The following CSMD2 variants were observed in gnomAD, a reference collection of about 807,000 sequenced individuals.
CSMD2 encodes the protein CUB and Sushi multiple domains 2, also known as CUB and sushi domain-containing protein 2.
Under a neutral mutation model 398.5 loss-of-function variants are expected in CSMD2, and 130 were observed. The observed-to-expected ratio is 0.33, with a 90% CI of 0.28 to 0.38. The LOEUF is 0.38. Among genes scored for constraint, CSMD2 ranks in the 10% least tolerant of loss-of-function variants. CSMD2 has a pLI of 1.00. For missense variants in CSMD2, 3,829 were observed against 4,764.9 expected (o/e 0.80, Z 5.78); for synonymous variants, 1,828 against 1,908.5 (o/e 0.96, Z 1.10).
intron 1 of CSMD2, among the ~76,000 whole-genome samples, chr1:34,115,440 A>G (rs1360571315): frequency 2.6e-5 from 4 of 152,158 alleles, no homozygotes; most frequent in African/African-American, 9.7e-5. Flanking sequence ...AAGAGGTGAT[A>G]TATTCAAAGT....
At chr1:33,874,879 G>C (rs762496335) in intron 5 of CSMD2, among the ~76,000 whole-genome samples, 1 of 152,198 alleles carries the variant, frequency 6.6e-6, no homozygotes, top group African/African-American at 2.4e-5. Context: ...AGTGGGCATG[G>C]AAGAACTCTG....
rs1642565629 is a variant in CSMD2, at chr1:33,633,140, G to A, written c.5200+282C>T. On this transcript the variant is annotated intron_variant, in intron 32 of 70. Coordinates refer to ENST00000373381, the MANE Select transcript of CSMD2 (RefSeq NM_001281956.2). This position sits in a 1 kb window ranked among gnomAD's most constrained non-coding sequence, Gnocchi z 5.0. ...ATAATGAAAATGCAATACATTTATA[G>A]TAAGAAAAAAAGTTGCATCTGAATA... 6.6e-6 allele frequency among the ~76,000 whole-genome samples: 1 copy of A among 152,138 alleles called. No individual in the cohort carries two copies. Among genetic ancestry groups the A allele is most frequent in the Non-Finnish European group, 1.5e-5 (1 of 68,024 alleles).
chr1:33,820,428 C>T (rs1430632531), intron 8 of CSMD2, 41 bp downstream of exon 8: 2 of 1,404,390 alleles, frequency 1.4e-6, no homozygotes, highest in Non-Finnish European at 1.0e-6. Flanking sequence ...CCAGGCCACC[C>T]CACCCTTCTT....
At chr1:33,550,079 C>G (rs1235142946) in intron 56 of CSMD2, 98 bp downstream of exon 56, 16 of 1,259,456 alleles carry the variant, frequency 1.3e-5, no homozygotes, top group Non-Finnish European at 1.8e-5. Flanking sequence ...GTCTGATTCC[C>G]TCCCATCCAT....
chr1:33,636,292 C>T lies in CSMD2; in HGVS notation c.4969+68G>A. On this transcript the variant is annotated intron_variant, in intron 30 of 70. Transcript: ENST00000373381. This position sits in a 1 kb window ranked among gnomAD's most constrained non-coding sequence, Gnocchi z 4.8. ...CCTTGCCCCCCTCCCTTCCCCAGCC[C>T]ACAGCACCCTCTGCCCCTGGCATGC... is the stretch of plus-strand genomic sequence containing the variant. 1 of 1,466,772 alleles carries T rather than the reference C, an allele frequency of 6.8e-7. No individual in the cohort carries two copies. The highest frequency in any genetic ancestry group is 9.2e-7 in the Non-Finnish European group (1 of 1,086,916). 90.9% of individuals were successfully genotyped at this position (1,466,772 alleles called of 1,614,324 possible).
At chr1:34,088,642 A>G (rs1571072279) in intron 2 of CSMD2, among the ~76,000 whole-genome samples, 1 of 152,180 alleles carries the variant, frequency 6.6e-6, no homozygotes, top group South Asian at 2.1e-4. Context: ...AGCCTTCAAC[A>G]CCCATATCTG....
chr1:33,583,611 C>T, intron 47 of CSMD2, 31 bp downstream of exon 47: 1 of 1,603,186 alleles, frequency 6.2e-7, no homozygotes, highest in East Asian at 2.2e-5. Flanking sequence ...TCTTCTGCAG[C>T]AGAGAACTGT....
chr1:33,706,275 CT>C (rs1645775608), intron 22 of CSMD2, among the ~76,000 whole-genome samples: 1 of 152,108 alleles, frequency 6.6e-6, no homozygotes, highest in East Asian at 1.9e-4. Flanking sequence ...AAATAATCCT[CT>C]TTTTCATTTC....
chr1:33,973,905 G>A (rs1009723404), intron 3 of CSMD2, among the ~76,000 whole-genome samples: 2 of 152,116 alleles, frequency 1.3e-5, no homozygotes, highest in African/African-American at 2.4e-5. Context: ...AAGAATCAAC[G>A]GATGAATCAG....
At position 33,581,056 on chromosome 1, in the gene CSMD2, G is replaced by A. The variant is rs950939465; in HGVS notation, c.7241-157C>T. Among the ~76,000 whole-genome samples the A allele has an allele frequency of 2.0e-5, 3 of 152,106 alleles. No homozygotes were observed. In the East Asian group the frequency reaches 5.8e-4, roughly 29 times the overall value. On this transcript the variant is annotated intron_variant, in intron 47 of 70. Coordinates refer to ENST00000373381, the MANE Select transcript of CSMD2 (RefSeq NM_001281956.2). ...CTCTGCATCCACAGGCATTGCTCAA[G>A]GTGCTCTTTTCTCCTAAGCCCAGCT...
intron 32 of CSMD2, among the ~76,000 whole-genome samples, chr1:33,626,956 C>A (rs1479816278): frequency 6.6e-6 from 1 of 152,136 alleles, no homozygotes; most frequent in Admixed American, 6.5e-5. Flanking sequence ...ACCAAGCCGG[C>A]TGACTGGTGG....
chr1:33,956,840 G>T (rs1416189012), intron 3 of CSMD2, among the ~76,000 whole-genome samples: 2 of 152,002 alleles, frequency 1.3e-5, no homozygotes, highest in Non-Finnish European at 2.9e-5. Flanking sequence ...ACAAATTAGA[G>T]CATGTCTCTC....
At chr1:33,749,092 C>CTTTTTTTTTT (rs72469561) in intron 13 of CSMD2, among the ~76,000 whole-genome samples, 1 of 87,792 alleles carries the variant, frequency 1.1e-5, no homozygotes, top group Admixed American at 1.5e-4. Context: ...ATACAGACTT[C>CTTTTTTTTTT]TTTTTTTTTT....
In CSMD2 at chr1:33,635,250, T is replaced by C. The variant is rs1445814128; in HGVS notation, c.5050A>G (p.Ile1684Val). 1 of 1,613,474 alleles carries C rather than the reference T, an allele frequency of 6.2e-7. No homozygotes were observed. Among genetic ancestry groups the C allele is most frequent in the Non-Finnish European group, 8.5e-7 (1 of 1,179,496 alleles). ...NYPQNYTSGQ[I>V]CLYFVTVPKD... ...GGCACAGTAACAAAATACAAGCAGA[T>C]CTGTCCACTGGTGTAGTTCTGGGGG... The change falls in exon 31 of 71, where the codon ATC becomes GTC. Residue 1684 changes from isoleucine (I) to valine (V), a missense_variant. Around this residue, in one of 5 missense-constraint regions of CSMD2, gnomAD observed 2,001 missense variants for 2,567.1 expected, o/e 0.78. Transcript: ENST00000373381. This position sits in a 1 kb window ranked among gnomAD's most constrained non-coding sequence, Gnocchi z 5.0.
Position 33,726,616 on chromosome 1 carries a change from T to C in CSMD2, c.2438A>G (p.Lys813Arg). ...ILSPGWPGFY[K>R]DALSCAWVIE... ...CACCCAGGCACAGCTCAAGGCATCC[T>C]TGTAGAAGCCAGGCCAGCCCGGAGA... The change falls in exon 16 of 71, where the codon AAG (lysine) becomes AGG (arginine). Residue 813 changes from lysine to arginine, a missense_variant. Coordinates refer to ENST00000373381, the MANE Select transcript of CSMD2 (RefSeq NM_001281956.2). 6.2e-7 allele frequency: 1 copy of C among 1,613,792 alleles called. No homozygotes were observed. Among genetic ancestry groups the C allele is most frequent in the Non-Finnish European group, 8.5e-7 (1 of 1,179,976 alleles).
intron 13 of CSMD2, among the ~76,000 whole-genome samples, chr1:33,770,427 T>A (rs1430251274): frequency 6.6e-6 from 1 of 152,244 alleles, no homozygotes; most frequent in Non-Finnish European, 1.5e-5. Flanking sequence ...TATAAAAGCA[T>A]CAGCTTACCT....
chr1:33,639,719 A>T (rs748191171), intron 29 of CSMD2, among the ~76,000 whole-genome samples: 1 of 152,208 alleles, frequency 6.6e-6, no homozygotes, highest in African/African-American at 2.4e-5. Flanking sequence ...AACGATTCCA[A>T]CTACAGACTC....
At position 33,636,527 on chromosome 1, in the gene CSMD2, G is replaced by T. The variant is rs1293961769; in HGVS notation, c.4802C>A (p.Pro1601His). ...TENPRESCFD[P>H]GSIKNGTRVG... ...CCGTGTGCCGTTCTTGATGGAACCA[G>T]GATCAAAACATGACTCCCGCGGGTT... The change falls in exon 30 of 71, where the codon CCT becomes CAT. Residue 1601 changes from proline to histidine, a missense_variant. Physicochemically the swap from Pro to His is moderately conservative, Grantham distance 77. Transcript: ENST00000373381. The surrounding 1 kb of genome is among the most constrained non-coding windows in gnomAD (Gnocchi z 4.8). 6.2e-7 allele frequency: 1 copy of T among 1,614,100 alleles called. No homozygotes were observed. Among genetic ancestry groups the T allele is most frequent in the African/African-American group, 1.3e-5 (1 of 75,026 alleles).
In CSMD2 at chr1:33,611,180, G is replaced by C. The variant is rs1362591837; in HGVS notation, c.6204C>G (p.Pro2068=). The change falls in exon 41 of 71, where the codon CCC becomes CCG. Residue 2068 remains proline (P), a synonymous_variant. Coordinates refer to ENST00000373381, the MANE Select transcript of CSMD2 (RefSeq NM_001281956.2). The part of the protein sequence containing the change: ...NHDYIEIRNG[P]YETSRMMGRF... The stretch of plus-strand genomic sequence containing the variant: ...TTCCCATCATGCGGCTGGTCTCATA[G>C]GGGCCATTCCGGATTTCTATGTAGT... The C allele has an allele frequency of 6.2e-7, 1 of 1,614,120 alleles. No individual in the cohort carries two copies. The highest frequency in any genetic ancestry group is 8.5e-7 in the Non-Finnish European group (1 of 1,180,026).
Sources: gnomAD v4.1 joint callset for allele counts (sites outside exome capture counted in the v4.1 genomes callset) on GRCh38, gnomAD v4.1.1 for gene constraint, gnomAD v4.1.1 regional missense constraint, Gnocchi (gnomAD v3.1) non-coding constraint, MANE v1.5 for transcripts, NCBI Gene and HGNC (gene_info 2026-07-23, HGNC 2026-07-21) for gene names.